ADRA1B: variants seen among roughly 807,000 people sequenced by gnomAD.
The protein encoded by ADRA1B is alpha-1B adrenergic receptor.
ADRA1B carries 17 observed loss-of-function variants against 17.9 expected under a neutral mutation model. The ratio of observed to expected loss-of-function variants is 0.95; its 90% CI spans 0.65 to 1.42. The LOEUF (loss-of-function observed/expected upper bound fraction) is 1.42. Among genes scored for constraint, ADRA1B ranks in the 40% most tolerant of loss-of-function variants. The pLI is 0.00. For missense variants in ADRA1B, 681 were observed against 722.1 expected (o/e 0.94, Z 0.65); for synonymous variants, 366 against 327.6 (o/e 1.12, Z -1.27).
chr5:159,915,466 C>A (rs145779587), upstream of ADRA1B, among the ~76,000 whole-genome samples: 2 of 152,266 alleles, frequency 1.3e-5, no homozygotes, highest in African/African-American at 4.8e-5. Flanking sequence ...TCTTTCTTGG[C>A]CCATACTTTC....
intron 1 of ADRA1B, among the ~76,000 whole-genome samples, chr5:159,897,821 G>T (rs1355744480): frequency 1.3e-5 from 2 of 152,186 alleles, no homozygotes; most frequent in African/African-American, 4.8e-5. Context: ...CTGCCATTCT[G>T]ACCTAAGGGG....
At chr5:159,927,975 T>C (rs1314224497) in intron 1 of ADRA1B, among the ~76,000 whole-genome samples, 1 of 152,190 alleles carries the variant, frequency 6.6e-6, no homozygotes, top group Admixed American at 6.5e-5. Context: ...TTAAATAAAG[T>C]GTTCATTTAT....
Position 159,972,535 on chromosome 5 carries a change from G to GGGGGGGGAGGGGAGA in ADRA1B, c.*43_*44insGGGGGGGAGGGGAGA. The GGGGGGGGAGGGGAGA allele has an allele frequency of 8.7e-7, 1 of 1,151,164 alleles. No homozygotes were observed. Among genetic ancestry groups the GGGGGGGGAGGGGAGA allele is most frequent in the East Asian group, 3.4e-5 (1 of 29,816 alleles). The allele number at this position is 1,151,164 out of a possible 1,614,324, so 71.3% of individuals were successfully genotyped here. Reference sequence around the variant, plus strand: ...TTCTTTCCCTGGGGAGGAAAACATCGTGGGGGGGAGGGGAGGGCGGGGCGG... The same window carrying GGGGGGGGAGGGGAGA: ...TTCTTTCCCTGGGGAGGAAAACATCGGGGGGGGAGGGGAGATGGGGGGGAGGGGAGGGCGGGGCGG... On this transcript the variant is annotated 3_prime_UTR_variant, in exon 2 of 2. Transcript: ENST00000306675.
intron 1 of ADRA1B, among the ~76,000 whole-genome samples, chr5:159,924,478 C>A (rs751724501): frequency 6.6e-6 from 1 of 151,974 alleles, no homozygotes; most frequent in Non-Finnish European, 1.5e-5. Flanking sequence ...AAAGAAGTGA[C>A]GGCAAGAAAG....
chr5:159,899,300 AAG>A (rs1241351430), intron 1 of ADRA1B, among the ~76,000 whole-genome samples: 1 of 151,120 alleles, frequency 6.6e-6, no homozygotes, highest in Non-Finnish European at 1.5e-5. Flanking sequence ...GGAAGGAAGG[AAG>A]GAAGGAAGGA....
intron 1 of ADRA1B, among the ~76,000 whole-genome samples, chr5:159,939,009 T>C (rs555186752): frequency 8.5e-5 from 13 of 152,270 alleles, no homozygotes; most frequent in African/African-American, 3.1e-4. Flanking sequence ...TCAGACAATT[T>C]TAAAGATGGA....
intron 1 of ADRA1B, among the ~76,000 whole-genome samples, chr5:159,878,268 G>A (rs747461872): frequency 2.0e-5 from 3 of 152,182 alleles, no homozygotes; most frequent in Non-Finnish European, 4.4e-5. Context: ...TAACAGGAAA[G>A]CACATGAGGG....
At chr5:159,989,011 T>C in the ADRA1B span, among the ~76,000 whole-genome samples, 1 of 152,208 alleles carries the variant, frequency 6.6e-6, no homozygotes. Flanking sequence ...CTTTCAATTC[T>C]TTTGGATATA....
intron 1 of ADRA1B, chr5:159,868,040 G>A (rs915873908): frequency 6.6e-6 from 1 of 152,192 alleles, no homozygotes; most frequent in Non-Finnish European, 1.5e-5. Context: ...TGTGAGCCCA[G>A]CTCTGGCACC....
chr5:159,961,863 G>T (rs955677544), intron 1 of ADRA1B, among the ~76,000 whole-genome samples: 1 of 152,158 alleles, frequency 6.6e-6, no homozygotes, highest in Non-Finnish European at 1.5e-5. Context: ...TGATGCTTTA[G>T]GTCCCCACGC....
chr5:159,972,121 G>A lies in ADRA1B; in HGVS notation c.1192G>A (p.Glu398Lys). The change falls in exon 2 of 2, where the codon GAG becomes AAG. Residue 398 changes from glutamate to lysine, a missense_variant. Around this residue, in one of 3 missense-constraint regions of ADRA1B, gnomAD observed 251 missense variants for 224.9 expected, o/e 1.12. Transcript: ENST00000306675. ...YRPWTRGGSL[E>K]RSQSRKDSLD... ...GCCGTGGACGCGCGGCGGCTCGCTG[G>A]AGCGCTCGCAGTCGCGCAAGGACTC... 7.6e-7 allele frequency: 1 copy of A among 1,323,304 alleles called. No individual in the cohort carries two copies. The highest frequency in any genetic ancestry group is 9.7e-7 in the Non-Finnish European group (1 of 1,027,104). The allele number at this position is 1,323,304 out of a possible 1,614,324, so 82.0% of individuals were successfully genotyped here. A position where few individuals can be genotyped will look rare whatever the true frequency, so the allele number is the denominator to read the frequency against.
intron 1 of ADRA1B, among the ~76,000 whole-genome samples, chr5:159,883,760 T>C (rs532720928): frequency 6.6e-6 from 1 of 152,364 alleles, no homozygotes; most frequent in Admixed American, 6.5e-5. Context: ...ATGAACATCT[T>C]ACTCAATGAA....
At chr5:159,949,346 A>G (rs953689991) in intron 1 of ADRA1B, among the ~76,000 whole-genome samples, 1 of 152,168 alleles carries the variant, frequency 6.6e-6, no homozygotes, top group African/African-American at 2.4e-5. Context: ...CAAAACAGTG[A>G]TTTTCTCTAA....
At position 159,917,362 on chromosome 5, in the gene ADRA1B, T is replaced by C; in HGVS notation, c.457T>C (p.Tyr153His). 6.2e-7 allele frequency: 1 copy of C among 1,614,130 alleles called. No homozygotes were observed. Among genetic ancestry groups the C allele is most frequent in the Non-Finnish European group, 8.5e-7 (1 of 1,180,006 alleles). Reference sequence around the variant, plus strand: ...CATCGGGGTGCGCTACTCTCTGCAGTATCCCACGCTGGTCACCCGGAGGAA... The same window carrying C: ...CATCGGGGTGCGCTACTCTCTGCAGCATCCCACGCTGGTCACCCGGAGGAA... ...RYIGVRYSLQ[Y>H]PTLVTRRKAI... The change falls in exon 1 of 2, where the codon TAT becomes CAT. Residue 153 changes from tyrosine (Y) to histidine (H), a missense_variant. Tyr to His is a moderately conservative substitution (Grantham distance 83, BLOSUM62 2). Transcript: ENST00000306675.
chr5:159,884,979 C>T (rs981686474), intron 1 of ADRA1B, among the ~76,000 whole-genome samples: 3 of 152,180 alleles, frequency 2.0e-5, no homozygotes, highest in Non-Finnish European at 4.4e-5. Flanking sequence ...AGTAGCTCAG[C>T]ACACCTGGGA....
chr5:159,891,982 T>A (rs1561583948), intron 1 of ADRA1B, among the ~76,000 whole-genome samples: 1 of 152,164 alleles, frequency 6.6e-6, no homozygotes, highest in Non-Finnish European at 1.5e-5. Flanking sequence ...CTCACACCTG[T>A]AATCCCAGCA....
chr5:159,893,787 A>G (rs1358849941), intron 1 of ADRA1B, among the ~76,000 whole-genome samples: 1 of 152,186 alleles, frequency 6.6e-6, no homozygotes, highest in African/African-American at 2.4e-5. Flanking sequence ...ATACCAGTCC[A>G]GAGATTTGGG....
intron 1 of ADRA1B, among the ~76,000 whole-genome samples, chr5:159,884,531 T>C (rs1753902580): frequency 1.3e-5 from 2 of 152,210 alleles, no homozygotes; most frequent in South Asian, 4.1e-4. Flanking sequence ...TCAGGCCCCT[T>C]GATCTTGGAC....
chr5:159,977,393 T>C (rs1755989524), downstream of ADRA1B, among the ~76,000 whole-genome samples: 1 of 152,068 alleles, frequency 6.6e-6, no homozygotes, highest in Non-Finnish European at 1.5e-5. Flanking sequence ...TCCCTTCAAG[T>C]ACATCAAAGG....
Sources: gnomAD v4.1 joint callset for allele counts (sites outside exome capture counted in the v4.1 genomes callset) on GRCh38, gnomAD v4.1.1 for gene constraint, gnomAD v4.1.1 regional missense constraint, MANE v1.5 for transcripts, NCBI Gene and HGNC (gene_info 2026-07-23, HGNC 2026-07-21) for gene names.